MYT1L: variants seen among roughly 807,000 people sequenced by gnomAD.
The protein encoded by MYT1L is myelin transcription factor 1-like protein.
A neutral mutation model predicts 126.7 loss-of-function variants in MYT1L; 12 were observed. That is an observed-to-expected ratio of 0.09 (90% CI 0.06 to 0.15). The LOEUF is 0.15. MYT1L is among the 10% of genes least tolerant of loss of function. The pLI, the probability that MYT1L is intolerant of heterozygous loss-of-function variation, is 1.00. For missense variants in MYT1L, 979 were observed against 1,585.2 expected (o/e 0.62, Z 6.49); for synonymous variants, 541 against 604.2 (o/e 0.90, Z 1.53).
intron 21 of MYT1L, chr2:1,816,078 G>A (rs1168769308): frequency 6.6e-6 from 1 of 152,220 alleles, no homozygotes; most frequent in Non-Finnish European, 1.5e-5. Context: ...CGACCCTCCT[G>A]CCTCAGCCTC....
At position 1,910,021 on chromosome 2, in the gene MYT1L, CA is replaced by C. The variant is rs1297924353; in HGVS notation, c.1817+218del. 3.3e-5 allele frequency among the ~76,000 whole-genome samples: 5 copies of C among 152,198 alleles called. No homozygotes were observed. Among genetic ancestry groups the C allele is most frequent in the Admixed American group, 1.3e-4 (2 of 15,280 alleles). ...CCTCCAATTCTCTCATGTAAATTGT[CA>C]CAGCGAATCCGCAGACACCAGGGGA... On this transcript the variant is annotated intron_variant, in intron 13 of 24. Coordinates refer to ENST00000647738, the MANE Select transcript of MYT1L (RefSeq NM_001303052.2). This position sits in a 1 kb window ranked among gnomAD's most constrained non-coding sequence, Gnocchi z 4.8.
chr2:2,079,085 G>A (rs2075535845), intron 3 of MYT1L, among the ~76,000 whole-genome samples: 1 of 152,142 alleles, frequency 6.6e-6, no homozygotes, highest in Non-Finnish European at 1.5e-5. Context: ...ATAATCTGGT[G>A]TCTTGATCTT....
chr2:2,077,999 G>T (rs1377756028), intron 3 of MYT1L, among the ~76,000 whole-genome samples: 1 of 152,166 alleles, frequency 6.6e-6, no homozygotes, highest in Non-Finnish European at 1.5e-5. Context: ...TGTGCTAATA[G>T]CTTATAAGGT....
chr2:1,872,020 T>C (rs4853754), intron 18 of MYT1L, among the ~76,000 whole-genome samples: 50,825 of 151,982 alleles, frequency 0.33, 10,808 homozygotes, highest in African/African-American at 0.61. Flanking sequence ...TTGTACTTGA[T>C]GGGTAACTGA....
rs1177800191 is a variant in MYT1L, at chr2:2,193,391, G to T, written c.-420-20403C>A. On this transcript the variant is annotated intron_variant, in intron 2 of 24. Coordinates refer to ENST00000647738, the MANE Select transcript of MYT1L (RefSeq NM_001303052.2). ...TTTGCTAGTTATGAATCACAGAAAT[G>T]CTTAAGTGCTTGAAAACACAGCAAA... Among the ~76,000 whole-genome samples, 4 of 152,288 alleles carry T rather than the reference G, an allele frequency of 2.6e-5. No individual in the cohort carries two copies. The East Asian group carries it at 7.7e-4, about 29-fold the overall frequency.
Position 1,999,122 on chromosome 2 carries a change from TTAAA to T in MYT1L, c.-157-1779_-157-1776del, listed in dbSNP as rs148105445. ...ATTTCCTAGACTTTCAATGTCTGAA[TTAAA>T]TAATATATCAAAAATGTCTGGCTTA... On this transcript the variant is annotated intron_variant, in intron 4 of 24. Coordinates refer to ENST00000647738, the MANE Select transcript of MYT1L (RefSeq NM_001303052.2). Among the ~76,000 whole-genome samples the T allele has an allele frequency of 5.6e-3, 851 of 152,342 alleles. 6 individuals are homozygous for T. The highest frequency in any genetic ancestry group is 0.019 in the African/African-American group (793 of 41,576).
intron 1 of MYT1L, among the ~76,000 whole-genome samples, chr2:2,295,888 AAGC>A (rs1201946077): frequency 6.7e-6 from 1 of 149,148 alleles, no homozygotes; most frequent in African/African-American, 2.5e-5. Context: ...AGAGGAATAA[AAGC>A]AGAGAAAGAG....
chr2:1,847,300 C>G (rs568058218), intron 19 of MYT1L, among the ~76,000 whole-genome samples: 1 of 152,262 alleles, frequency 6.6e-6, no homozygotes, highest in East Asian at 1.9e-4. Context: ...AGTGAATGTT[C>G]TTTTGTGATT....
At position 1,979,141 on chromosome 2, in the gene MYT1L, TG is replaced by T. The variant is rs1558611623; in HGVS notation, c.152+23del. 1.3e-6 allele frequency: 2 copies of T among 1,591,830 alleles called. No homozygotes were observed. Among genetic ancestry groups the T allele is most frequent in the African/African-American group, 3.0e-5 (2 of 67,024 alleles). ...ATAAGTCACTTTAGACAGCACATTG[TG>T]GAAAAAAAAATGCAGGCATTACCTT... On this transcript the variant is annotated intron_variant, in intron 8 of 24. Transcript: ENST00000647738. This position sits in a 1 kb window ranked among gnomAD's most constrained non-coding sequence, Gnocchi z 4.0.
chr2:1,932,657 T>C (rs1226722726), intron 9 of MYT1L, among the ~76,000 whole-genome samples: 1 of 151,822 alleles, frequency 6.6e-6, no homozygotes, highest in African/African-American at 2.4e-5. Context: ...GTACGTGGGA[T>C]GGGGGGTCGG....
intron 3 of MYT1L, among the ~76,000 whole-genome samples, chr2:2,098,783 G>A (rs1168220818): frequency 1.3e-5 from 2 of 152,244 alleles, no homozygotes; most frequent in African/African-American, 4.8e-5. Flanking sequence ...AGAAGCAGCA[G>A]CCAGCAGAGA....
chr2:2,153,429 G>A (rs1422843478), intron 3 of MYT1L, among the ~76,000 whole-genome samples: 1 of 152,134 alleles, frequency 6.6e-6, no homozygotes, highest in Non-Finnish European at 1.5e-5. Context: ...GGAGGTGCTG[G>A]GCCAGAGTCC....
rs1558335834 is a variant in MYT1L at position 1,902,766 on chromosome 2, G to C, written c.2032+314C>G. ...AGGAAGCGTATAACATAAGGGCACT[G>C]TCTTCCCAGTACCACAAAAGACAAT... is the stretch of plus-strand genomic sequence containing the variant. On this transcript the variant is annotated intron_variant, in intron 14 of 24. Coordinates refer to ENST00000647738, the MANE Select transcript of MYT1L (RefSeq NM_001303052.2). 4 of 364,886 alleles carry C rather than the reference G, an allele frequency of 1.1e-5. No individual in the cohort carries two copies. In the Admixed American group the frequency reaches 1.7e-4, roughly 15 times the overall value. 22.6% of individuals were successfully genotyped at this position (364,886 alleles called of 1,614,324 possible). A position where few individuals can be genotyped will look rare whatever the true frequency, so the allele number is the denominator to read the frequency against.
At chr2:2,042,018 C>A (rs144388118) in intron 4 of MYT1L, among the ~76,000 whole-genome samples, 2 of 152,108 alleles carry the variant, frequency 1.3e-5, no homozygotes, top group African/African-American at 2.4e-5. Flanking sequence ...GTTTTCAAGA[C>A]GGTAGATAGC....
intron 3 of MYT1L, among the ~76,000 whole-genome samples, chr2:2,158,876 G>A (rs2087252709): frequency 6.6e-6 from 1 of 150,874 alleles, no homozygotes; most frequent in Admixed American, 6.6e-5. Flanking sequence ...GTGATGGGGT[G>A]GGGTGAATGC....
At chr2:2,081,554 T>G (rs1221404505) in intron 3 of MYT1L, among the ~76,000 whole-genome samples, 1 of 152,230 alleles carries the variant, frequency 6.6e-6, no homozygotes, top group African/African-American at 2.4e-5. Flanking sequence ...CTAGAACATT[T>G]ATTCACTAAT....
intron 1 of MYT1L, among the ~76,000 whole-genome samples, chr2:2,284,850 T>G (rs905029470): frequency 2.0e-5 from 3 of 152,016 alleles, no homozygotes; most frequent in African/African-American, 7.2e-5. Context: ...ACTACAGGCA[T>G]GCACCACCAT....
rs35716505 is a variant in MYT1L, at chr2:2,088,630, G to GAA, written c.-303-34509_-303-34508dup. On this transcript the variant is annotated intron_variant, in intron 3 of 24. Coordinates refer to ENST00000647738, the MANE Select transcript of MYT1L (RefSeq NM_001303052.2). ...TGATTCAAAAGGGGTTGATTTACTGGAAAAAAAAAAAGATAGCTAGTTCTA... is the reference window on the plus strand; with the variant it reads ...TGATTCAAAAGGGGTTGATTTACTGGAAAAAAAAAAAAAGATAGCTAGTTCTA... Among the ~76,000 whole-genome samples, 149 of 144,986 alleles carry GAA rather than the reference G, an allele frequency of 1.0e-3. No homozygotes were observed. In the South Asian group the frequency reaches 0.021, roughly 21 times the overall value.
At chr2:2,327,820 G>GT (rs563009039) in intron 1 of MYT1L, among the ~76,000 whole-genome samples, 20 of 152,170 alleles carry the variant, frequency 1.3e-4, no homozygotes, top group South Asian at 8.3e-4. Context: ...CCACAGAGGA[G>GT]TTTTTTTTAA....
Sources: gnomAD v4.1 joint callset for allele counts (sites outside exome capture counted in the v4.1 genomes callset) on GRCh38, gnomAD v4.1.1 for gene constraint, Gnocchi (gnomAD v3.1) non-coding constraint, MANE v1.5 for transcripts, NCBI Gene and HGNC (gene_info 2026-07-23, HGNC 2026-07-21) for gene names.